CCDC141: variants seen among roughly 807,000 people sequenced by gnomAD.
CCDC141 encodes coiled-coil domain containing 141, also known as coiled-coil domain-containing protein 141.
A neutral mutation model predicts 181.0 loss-of-function variants in CCDC141; 168 were observed. The ratio of observed to expected loss-of-function variants is 0.93; its 90% CI spans 0.82 to 1.05. CCDC141 has a LOEUF of 1.05. Ranked by LOEUF, CCDC141 falls within the 50% of genes least tolerant of loss-of-function variation. CCDC141 has a pLI of 0.00. For missense variants in CCDC141, 1,902 were observed against 1,788.5 expected (o/e 1.06, Z -1.14); for synonymous variants, 666 against 642.3 (o/e 1.04, Z -0.56).
chr2:178,932,002 C>A (rs1272812162), intron 6 of CCDC141, among the ~76,000 whole-genome samples: 1 of 151,906 alleles, frequency 6.6e-6, no homozygotes. Flanking sequence ...CCCGTCTCTA[C>A]TAAAAATTAG....
At chr2:178,870,451 G>A (rs1341986579) in intron 14 of CCDC141, among the ~76,000 whole-genome samples, 2 of 152,076 alleles carry the variant, frequency 1.3e-5, no homozygotes, top group Non-Finnish European at 2.9e-5. Context: ...GTGTGACAAT[G>A]GTCCTGATTT....
chr2:178,998,771 C>A (rs1440368380), intron 2 of CCDC141, among the ~76,000 whole-genome samples: 1 of 152,062 alleles, frequency 6.6e-6, no homozygotes, highest in Non-Finnish European at 1.5e-5. Flanking sequence ...TTCAGGATAT[C>A]ACGGTCTTTG....
intron 4 of CCDC141, among the ~76,000 whole-genome samples, chr2:178,969,841 G>A (rs1391547952): frequency 6.6e-6 from 1 of 152,200 alleles, no homozygotes; most frequent in Non-Finnish European, 1.5e-5. Flanking sequence ...AATTGTCTCT[G>A]TTTGCAGATG....
intron 3 of CCDC141, among the ~76,000 whole-genome samples, chr2:178,978,186 T>C (rs1204531548): frequency 6.6e-6 from 1 of 152,216 alleles, no homozygotes. Flanking sequence ...ACTGTATTAC[T>C]ACCTTCTATA....
intron 12 of CCDC141, 181 bp downstream of exon 12, chr2:178,877,783 A>T: frequency 1.5e-6 from 1 of 655,262 alleles, no homozygotes; most frequent in South Asian, 1.8e-5. Context: ...AACTAACCAA[A>T]GTTCTAGGCC....
intron 4 of CCDC141, among the ~76,000 whole-genome samples, chr2:178,967,310 C>A (rs1690684167): frequency 6.6e-6 from 1 of 152,046 alleles, no homozygotes; most frequent in African/African-American, 2.4e-5. Flanking sequence ...GTCAGATTCA[C>A]CAAAGTTGAA....
intron 19 of CCDC141, among the ~76,000 whole-genome samples, chr2:178,855,093 C>G (rs1379527970): frequency 6.6e-6 from 1 of 152,170 alleles, no homozygotes; most frequent in Non-Finnish European, 1.5e-5. Flanking sequence ...CAGGAACTCT[C>G]ACACATTGCC....
intron 2 of CCDC141, among the ~76,000 whole-genome samples, chr2:179,032,938 G>A (rs1413746630): frequency 6.6e-6 from 1 of 150,506 alleles, no homozygotes; most frequent in Non-Finnish European, 1.5e-5. Flanking sequence ...ACATAGCCAT[G>A]CCACTTGAAA....
intron 7 of CCDC141, among the ~76,000 whole-genome samples, chr2:178,906,134 A>C (rs2154373058): frequency 6.6e-6 from 1 of 152,352 alleles, no homozygotes; most frequent in East Asian, 1.9e-4. Flanking sequence ...TGACATGCAG[A>C]AATAGGATTA....
At chr2:178,920,695 T>TACACACACACAC (rs59015092) in intron 6 of CCDC141, among the ~76,000 whole-genome samples, 2 of 146,662 alleles carry the variant, frequency 1.4e-5, no homozygotes, top group African/African-American at 2.5e-5. Flanking sequence ...CTGAACTCCA[T>TACACACACACAC]ACACACACAC....
chr2:178,980,676 T>G (rs1013353566), intron 2 of CCDC141, among the ~76,000 whole-genome samples: 3 of 152,218 alleles, frequency 2.0e-5, no homozygotes, highest in African/African-American at 7.2e-5. Flanking sequence ...ATACATTGTC[T>G]ACAAGAAACC....
downstream of CCDC141, among the ~76,000 whole-genome samples, chr2:178,825,939 T>G (rs1447529485): frequency 1.3e-5 from 2 of 152,216 alleles, no homozygotes. Flanking sequence ...TTAGTTTTCT[T>G]TCTTTTAAAA....
At chr2:178,837,824 A>T (rs1388918815) in intron 22 of CCDC141, 80 bp from the exon 23 acceptor site, 1 of 1,478,464 alleles carries the variant, frequency 6.8e-7, no homozygotes, top group Non-Finnish European at 8.9e-7. Context: ...ACTCAACTTC[A>T]GAGAGATAAC....
At chr2:178,858,366 G>T (rs1448784380) in intron 17 of CCDC141, among the ~76,000 whole-genome samples, 1 of 152,108 alleles carries the variant, frequency 6.6e-6, no homozygotes, top group African/African-American at 2.4e-5. Flanking sequence ...TTATAAGATT[G>T]AGATATAAAG....
chr2:179,024,906 AC>A (rs1464145816), intron 2 of CCDC141, among the ~76,000 whole-genome samples: 1 of 151,882 alleles, frequency 6.6e-6, no homozygotes, highest in Non-Finnish European at 1.5e-5. Context: ...TACTGCAAAA[AC>A]TTTTTAAAAA....
Position 178,865,830 on chromosome 2 carries a change from C to T in CCDC141, c.2661G>A (p.Glu887=). The T allele has an allele frequency of 1.2e-6, 2 of 1,607,516 alleles. No homozygotes were observed. Among genetic ancestry groups the T allele is most frequent in the Non-Finnish European group, 1.7e-6 (2 of 1,176,696 alleles). ...TACGGGACAGGGTCCGTCCATACTC[C>T]TCAGCTTTGGCACGCCACTTCATGC... ...EDSMKWRAKA[E]EYGRTLSRSV... Residue 887 remains glutamate, a synonymous_variant, in exon 17 of 24, where the codon GAG becomes GAA. Coordinates refer to ENST00000443758, the MANE Select transcript of CCDC141 (RefSeq NM_173648.4).
chr2:179,028,787 C>G (rs1345831427), intron 2 of CCDC141, among the ~76,000 whole-genome samples: 1 of 152,144 alleles, frequency 6.6e-6, no homozygotes, highest in African/African-American at 2.4e-5. Context: ...TGTTCACTCT[C>G]ACTCAAAACC....
At chr2:178,955,504 G>C (rs765332243) in intron 5 of CCDC141, among the ~76,000 whole-genome samples, 87 of 151,902 alleles carry the variant, frequency 5.7e-4, no homozygotes, top group Non-Finnish European at 1.1e-3. Flanking sequence ...TATTCAAATA[G>C]CAGAATACTA....
chr2:178,921,219 A>G (rs1396578426), intron 6 of CCDC141, among the ~76,000 whole-genome samples: 1 of 152,240 alleles, frequency 6.6e-6, no homozygotes, highest in Non-Finnish European at 1.5e-5. Flanking sequence ...AGGAAAACTA[A>G]TATGTGCCAA....
Sources: allele counts gnomAD v4.1 joint callset (sites outside exome capture counted in the v4.1 genomes callset), GRCh38; gene constraint gnomAD v4.1.1; transcripts MANE v1.5; gene names NCBI Gene and HGNC (gene_info 2026-07-23, HGNC 2026-07-21).